The following PLCG2 variants were observed in gnomAD, a reference collection of about 807,000 sequenced individuals.
PLCG2 encodes the protein phospholipase C gamma 2.
A neutral mutation model predicts 175.6 loss-of-function variants in PLCG2; 69 were observed. The ratio of observed to expected loss-of-function variants is 0.39; its 90% CI spans 0.32 to 0.48. The LOEUF is 0.48. Ranked by LOEUF, PLCG2 falls within the 20% of genes least tolerant of loss-of-function variation. The probability of loss-of-function intolerance (pLI) is 0.91; values close to 1 mark genes in which losing one functional copy is unlikely to be tolerated. For missense variants in PLCG2, 1,798 were observed against 1,650.9 expected (o/e 1.09, Z -1.54); for synonymous variants, 827 against 624.0 (o/e 1.33, Z -4.85).
chr16:81,811,985 A>G (rs1240797566), intron 2 of PLCG2, among the ~76,000 whole-genome samples: 1 of 151,730 alleles, frequency 6.6e-6, no homozygotes, highest in African/African-American at 2.4e-5. Flanking sequence ...CACTCCTACC[A>G]ACAGTGTAAA....
intron 2 of PLCG2, among the ~76,000 whole-genome samples, chr16:81,815,280 A>C (rs560816154): frequency 6.6e-6 from 1 of 152,246 alleles, no homozygotes; most frequent in African/African-American, 2.4e-5. Context: ...GGCCCAGGCT[A>C]GAGCATGGGT....
chr16:81,871,017 C>G (rs1248373544), intron 7 of PLCG2, 82 bp downstream of exon 7: 3 of 706,900 alleles, frequency 4.2e-6, no homozygotes, highest in East Asian at 2.8e-5. Flanking sequence ...CTAAGAAACC[C>G]ACAAGAAGTG....
At chr16:81,874,902 G>A (rs1907692155) in intron 7 of PLCG2, among the ~76,000 whole-genome samples, 1 of 146,392 alleles carries the variant, frequency 6.8e-6, no homozygotes, top group African/African-American at 2.5e-5. Context: ...AAAGATGATA[G>A]CCAACATTTT....
intron 2 of PLCG2, among the ~76,000 whole-genome samples, chr16:81,831,347 G>A: frequency 6.6e-6 from 1 of 152,200 alleles, no homozygotes; most frequent in East Asian, 1.9e-4. Flanking sequence ...ATGGCTGAAT[G>A]AACGGACGTG....
intron 2 of PLCG2, among the ~76,000 whole-genome samples, chr16:81,811,975 C>T (rs1363853437): frequency 6.6e-6 from 1 of 151,840 alleles, no homozygotes; most frequent in Non-Finnish European, 1.5e-5. Context: ...AACTGATTTA[C>T]ACTCCTACCA....
At chr16:81,809,562 C>G (rs1904300204) in intron 2 of PLCG2, among the ~76,000 whole-genome samples, 1 of 152,168 alleles carries the variant, frequency 6.6e-6, no homozygotes, top group South Asian at 2.1e-4. Flanking sequence ...ACATCCTTGC[C>G]TCAGAGTCTG....
chr16:81,743,601 A>C (rs547238813), intron 1 of PLCG2, among the ~76,000 whole-genome samples: 8 of 152,206 alleles, frequency 5.3e-5, no homozygotes, highest in Admixed American at 2.6e-4. Flanking sequence ...GATGAGAACC[A>C]GACTTAGGGC....
chr16:81,864,817 CT>C (rs1907149966), intron 5 of PLCG2, among the ~76,000 whole-genome samples: 1 of 152,150 alleles, frequency 6.6e-6, no homozygotes. Flanking sequence ...TTGAAGAACC[CT>C]GGGGGCCTCC....
At chr16:81,951,651 A>G (rs1340490444) in intron 31 of PLCG2, among the ~76,000 whole-genome samples, 1 of 152,206 alleles carries the variant, frequency 6.6e-6, no homozygotes, top group South Asian at 2.1e-4. Flanking sequence ...CCGTAGACCA[A>G]TGTCATGTGT....
intron 2 of PLCG2, among the ~76,000 whole-genome samples, chr16:81,797,358 C>T (rs778587486): frequency 1.4e-4 from 22 of 152,106 alleles, no homozygotes; most frequent in Non-Finnish European, 2.5e-4. Flanking sequence ...ATATCAGGCT[C>T]GCAAAATTAT....
chr16:81,760,671 G>T (rs1451869809), intron 2 of PLCG2, among the ~76,000 whole-genome samples: 1 of 151,648 alleles, frequency 6.6e-6, no homozygotes, highest in Non-Finnish European at 1.5e-5. Flanking sequence ...AACCCTTTGG[G>T]AGGTCAAGGT....
chr16:81,902,274 A>G (rs1213195478), intron 14 of PLCG2, among the ~76,000 whole-genome samples: 1 of 152,136 alleles, frequency 6.6e-6, no homozygotes. Context: ...TTTCCTAGGT[A>G]TTTCAGTCTG....
chr16:81,791,206 A>T (rs954978173), intron 2 of PLCG2, among the ~76,000 whole-genome samples: 1 of 152,008 alleles, frequency 6.6e-6, no homozygotes, highest in East Asian at 1.9e-4. Context: ...CCATAGCAGG[A>T]GTTTTCACTG....
Position 81,897,558 on chromosome 16 carries a change from T to A in PLCG2, c.1193+1631T>A, listed in dbSNP as rs1203960746. Among the ~76,000 whole-genome samples, 4 of 150,140 alleles carry A rather than the reference T, an allele frequency of 2.7e-5. No individual in the cohort carries two copies. In the East Asian group the frequency reaches 7.8e-4, roughly 29 times the overall value. On this transcript the variant is annotated intron_variant, in intron 13 of 32. Transcript: ENST00000564138. ...CTTTTCTTTTCTTTTCTTTTTTTTT[T>A]TTTTTGAGATGGAGTCTCCCTCTGT...
chr16:81,877,972 A>ATTTTTT (rs1907888702), intron 7 of PLCG2, among the ~76,000 whole-genome samples: 9 of 35,314 alleles, frequency 2.5e-4, no homozygotes, highest in Non-Finnish European at 4.1e-4. Context: ...TTTTTTTTTT[A>ATTTTTT]ATTTTTTTTT....
In PLCG2 at chr16:81,878,581, G is replaced by A. The variant is rs74675064; in HGVS notation, c.649-2329G>A. ...GTAACCTACTCCAAGAGCTGTCTAC[G>A]CTTCCCTTCTTCCTACTGTCTCTTG... is the stretch of plus-strand genomic sequence containing the variant. On this transcript the variant is annotated intron_variant, in intron 7 of 32. Transcript: ENST00000564138. Among the ~76,000 whole-genome samples, 12 of 152,158 alleles carry A rather than the reference G, an allele frequency of 7.9e-5. No homozygotes were observed. In the East Asian group the frequency reaches 2.1e-3, roughly 27 times the overall value.
At chr16:81,805,734 C>T (rs1298278656) in intron 2 of PLCG2, among the ~76,000 whole-genome samples, 2 of 148,170 alleles carry the variant, frequency 1.3e-5, no homozygotes, top group African/African-American at 5.0e-5. Flanking sequence ...GTGTGAGTCA[C>T]CAATACCAGC....
intron 5 of PLCG2, among the ~76,000 whole-genome samples, chr16:81,867,954 C>A (rs192128492): frequency 7.9e-5 from 12 of 152,344 alleles, no homozygotes; most frequent in Admixed American, 7.8e-4. Flanking sequence ...CCGCCTCAGC[C>A]TCCCAAAGTG....
At chr16:81,904,973 C>T (rs757220276) in intron 14 of PLCG2, among the ~76,000 whole-genome samples, 1 of 152,150 alleles carries the variant, frequency 6.6e-6, no homozygotes, top group Non-Finnish European at 1.5e-5. Flanking sequence ...CTGCAACCTC[C>T]ACTTCCCAGG....
Sources: gnomAD v4.1 joint callset for allele counts (sites outside exome capture counted in the v4.1 genomes callset) on GRCh38, gnomAD v4.1.1 for gene constraint, MANE v1.5 for transcripts, NCBI Gene and HGNC (gene_info 2026-07-23, HGNC 2026-07-21) for gene names.